CPVL: variants seen among roughly 807,000 people sequenced by gnomAD.
CPVL encodes the protein carboxypeptidase vitellogenic like, also known as probable serine carboxypeptidase CPVL.
Under a neutral mutation model 63.7 loss-of-function variants are expected in CPVL, and 51 were observed. That is an observed-to-expected ratio of 0.80 (90% CI 0.64 to 1.01). The LOEUF is 1.01. CPVL is among the 50% of genes least tolerant of loss of function. The probability of loss-of-function intolerance (pLI) is 0.00; values close to 1 mark genes in which losing one functional copy is unlikely to be tolerated. For synonymous variants in CPVL, 195 were observed against 206.0 expected (o/e 0.95, Z 0.46); for missense variants, 530 against 573.1 (o/e 0.92, Z 0.77).
chr7:29,101,623 T>C (rs1256782518), intron 3 of CPVL, among the ~76,000 whole-genome samples: 1 of 152,052 alleles, frequency 6.6e-6, no homozygotes, highest in Non-Finnish European at 1.5e-5. Flanking sequence ...AAATTTTTCT[T>C]AAAACTTTTT....
At chr7:29,035,131 G>C (rs1039946239) in intron 11 of CPVL, among the ~76,000 whole-genome samples, 1 of 152,094 alleles carries the variant, frequency 6.6e-6, no homozygotes, top group African/African-American at 2.4e-5. Flanking sequence ...GATGAGAAAA[G>C]CATCTTTATT....
At chr7:29,146,561 T>C, upstream of CPVL, 1 of 1,536,472 alleles carries the variant, frequency 6.5e-7, no homozygotes, top group Non-Finnish European at 8.8e-7. Context: ...AACTCGAGCC[T>C]TTAAGCGCTC....
intron 11 of CPVL, among the ~76,000 whole-genome samples, chr7:29,038,114 G>C (rs1217033018): frequency 3.3e-5 from 5 of 152,190 alleles, no homozygotes. Flanking sequence ...GATGTATTTG[G>C]TTAGTCCAAA....
At chr7:29,145,348 G>A (rs1792401431) in intron 1 of CPVL, among the ~76,000 whole-genome samples, 1 of 151,976 alleles carries the variant, frequency 6.6e-6, no homozygotes, top group Non-Finnish European at 1.5e-5. Flanking sequence ...ATTTACTGAT[G>A]CCAAAACTGA....
intron 9 of CPVL, among the ~76,000 whole-genome samples, chr7:29,068,121 C>T (rs1255151522): frequency 6.6e-6 from 1 of 151,634 alleles, no homozygotes; most frequent in Non-Finnish European, 1.5e-5. Flanking sequence ...TCTCCTGCCT[C>T]AGCCTCCCGA....
At chr7:28,998,872 A>C (rs1325567079) in intron 12 of CPVL, among the ~76,000 whole-genome samples, 1 of 152,030 alleles carries the variant, frequency 6.6e-6, no homozygotes, top group South Asian at 2.1e-4. Context: ...GTGTTCCTAC[A>C]TTTTCATAAA....
At chr7:29,068,183 G>A (rs1783329879) in intron 9 of CPVL, among the ~76,000 whole-genome samples, 1 of 151,236 alleles carries the variant, frequency 6.6e-6, no homozygotes, top group Non-Finnish European at 1.5e-5. Context: ...TTTTTTTTGT[G>A]TGTGTGTATT....
chr7:29,045,413 A>T (rs1157574561), intron 11 of CPVL, among the ~76,000 whole-genome samples: 1 of 152,236 alleles, frequency 6.6e-6, no homozygotes, highest in African/African-American at 2.4e-5. Flanking sequence ...TCTGCCTATA[A>T]TGTGGCAGTT....
At chr7:29,084,210 G>A (rs924747342) in intron 7 of CPVL, among the ~76,000 whole-genome samples, 6 of 152,118 alleles carry the variant, frequency 3.9e-5, no homozygotes, top group South Asian at 2.1e-4. Context: ...ACAGGCAGCC[G>A]GGCCCTGCAG....
At chr7:29,112,920 A>G in intron 2 of CPVL, 98 bp from the exon 3 acceptor site, 3 of 838,918 alleles carry the variant, frequency 3.6e-6, no homozygotes, top group Admixed American at 1.9e-5. Context: ...GAGTGATTAG[A>G]TAAGCTAAAA....
In CPVL at chr7:28,995,815, T is replaced by C; in HGVS notation, c.1388A>G (p.Asn463Ser). The C allele has an allele frequency of 1.2e-6, 2 of 1,608,644 alleles. No homozygotes were observed. The highest frequency in any genetic ancestry group is 1.7e-6 in the Non-Finnish European group (2 of 1,178,424). The part of the protein sequence containing the change: ...DQPLRAFDMI[N>S]RFIYGKGWDP... ...CCATCCTTTTCCATAAATGAATCGA[T>C]TAATCATGTCAAAAGCTCTCAGAGG... Residue 463 changes from asparagine to serine, a missense_variant, in exon 13 of 13, where the codon AAT becomes AGT. Coordinates refer to ENST00000265394, the MANE Select transcript of CPVL (RefSeq NM_031311.5).
At chr7:29,057,846 CT>C (rs1296177781) in intron 11 of CPVL, among the ~76,000 whole-genome samples, 4 of 152,134 alleles carry the variant, frequency 2.6e-5, no homozygotes, top group African/African-American at 9.7e-5. Context: ...GCTCTCTATT[CT>C]AGTCCATCAA....
intron 2 of CPVL, among the ~76,000 whole-genome samples, chr7:29,116,427 T>C (rs1788784052): frequency 6.6e-6 from 1 of 152,258 alleles, no homozygotes; most frequent in African/African-American, 2.4e-5. Context: ...AGTTTCTATC[T>C]TTCCAGCACC....
rs148771318 is a variant in CPVL at position 29,070,037 on chromosome 7, C to T, written c.864+1736G>A. Among the ~76,000 whole-genome samples the T allele has an allele frequency of 1.8e-3, 280 of 152,252 alleles. 1 individual carries two copies. The highest frequency in any genetic ancestry group is 3.7e-3 in the Non-Finnish European group (250 of 68,010). On this transcript the variant is annotated intron_variant, in intron 9 of 12. Coordinates refer to ENST00000265394, the MANE Select transcript of CPVL (RefSeq NM_031311.5). ...TGCAGTCACTGAAACACATTTCAACCACAAGTTGTTTACTGTCCTAAGTAT... is the reference window on the plus strand; with the variant it reads ...TGCAGTCACTGAAACACATTTCAACTACAAGTTGTTTACTGTCCTAAGTAT...
At chr7:29,056,226 C>A (rs1019506613) in intron 11 of CPVL, among the ~76,000 whole-genome samples, 5 of 152,186 alleles carry the variant, frequency 3.3e-5, no homozygotes, top group African/African-American at 1.2e-4. Context: ...CACATTAGAA[C>A]TCACTGTTGG....
intron 2 of CPVL, chr7:29,113,874 T>C (rs1450912811): frequency 6.6e-6 from 1 of 152,414 alleles, no homozygotes; most frequent in Non-Finnish European, 1.5e-5. Flanking sequence ...AGGGAAAGTT[T>C]GGGTGAAGAA....
At chr7:29,058,948 A>G (rs1234010694) in intron 11 of CPVL, among the ~76,000 whole-genome samples, 1 of 151,918 alleles carries the variant, frequency 6.6e-6, no homozygotes, top group Non-Finnish European at 1.5e-5. Flanking sequence ...TTGATGTTTT[A>G]CATTAATCTG....
At chr7:29,032,160 G>T (rs1788081793) in intron 11 of CPVL, among the ~76,000 whole-genome samples, 1 of 152,038 alleles carries the variant, frequency 6.6e-6, no homozygotes, top group African/African-American at 2.4e-5. Context: ...CCTCAAATTG[G>T]ATATAAAATA....
chr7:29,076,424 A>G (rs1442715804), intron 7 of CPVL, among the ~76,000 whole-genome samples: 2 of 122,226 alleles, frequency 1.6e-5, no homozygotes, highest in Non-Finnish European at 4.0e-5. Context: ...AGCAATACCA[A>G]AGCAATTTTA....
Sources: allele counts gnomAD v4.1 joint callset (sites outside exome capture counted in the v4.1 genomes callset), GRCh38; gene constraint gnomAD v4.1.1; transcripts MANE v1.5; gene names NCBI Gene and HGNC (gene_info 2026-07-23, HGNC 2026-07-21).